Variants in VIRMA observed in about 807,000 individuals in gnomAD.
VIRMA encodes vir like m6A methyltransferase associated, also known as protein virilizer homolog.
VIRMA carries 65 observed loss-of-function variants against 182.4 expected under a neutral mutation model. The ratio of observed to expected loss-of-function variants is 0.36; its 90% CI spans 0.29 to 0.44. VIRMA has a LOEUF of 0.44. VIRMA is among the 20% of genes least tolerant of loss of function. VIRMA has a pLI of 1.00. For synonymous variants in VIRMA, 709 were observed against 743.1 expected, an observed-to-expected ratio of 0.95 and a Z score of 0.75; for missense variants, 1,752 against 2,158.1, an observed-to-expected ratio of 0.81 and a Z score of 3.73.
chr8:94,551,003 A>T (rs1472062364), intron 1 of VIRMA, among the ~76,000 whole-genome samples: 1 of 152,220 alleles, frequency 6.6e-6, no homozygotes, highest in Non-Finnish European at 1.5e-5. Context: ...TACAGGCGTG[A>T]GCCACTGCGC....
chr8:94,530,067 G>A (rs1815110055), intron 6 of VIRMA, among the ~76,000 whole-genome samples: 1 of 152,134 alleles, frequency 6.6e-6, no homozygotes, highest in African/African-American at 2.4e-5. Flanking sequence ...AGGATTACAG[G>A]CATGAGCCAC....
intron 5 of VIRMA, among the ~76,000 whole-genome samples, chr8:94,533,273 C>A (rs1586102164): frequency 1.3e-5 from 2 of 151,802 alleles, no homozygotes; most frequent in Admixed American, 1.3e-4. Flanking sequence ...TGTATGACCA[C>A]CATCAGAAAA....
chr8:94,491,285 G>A (rs904994957), intron 22 of VIRMA, among the ~76,000 whole-genome samples: 1 of 151,136 alleles, frequency 6.6e-6, no homozygotes, highest in African/African-American at 2.4e-5. Flanking sequence ...CCGCACCCCA[G>A]CCTGGGCGAC....
intron 10 of VIRMA, among the ~76,000 whole-genome samples, chr8:94,515,353 C>A (rs1038845423): frequency 1.3e-5 from 2 of 152,002 alleles, no homozygotes; most frequent in African/African-American, 4.8e-5. Context: ...CCTCAGCCTC[C>A]CAAAGTGCTG....
intron 16 of VIRMA, among the ~76,000 whole-genome samples, chr8:94,501,290 A>T (rs1021997092): frequency 2.0e-5 from 3 of 150,680 alleles, no homozygotes; most frequent in African/African-American, 4.9e-5. Flanking sequence ...ACCAATAAGG[A>T]TATGAGGGAA....
At chr8:94,516,405 A>T (rs940454235) in intron 10 of VIRMA, among the ~76,000 whole-genome samples, 8 of 152,188 alleles carry the variant, frequency 5.3e-5, no homozygotes, top group African/African-American at 1.9e-4. Flanking sequence ...CATTTACTGC[A>T]AACAAACTCA....
intron 15 of VIRMA, 67 bp from the exon 16 acceptor site, chr8:94,506,784 G>GAA: frequency 1.1e-6 from 1 of 903,064 alleles, no homozygotes; most frequent in Non-Finnish European, 1.8e-6. Context: ...GCACTTTTGA[G>GAA]AAATACATAG....
Position 94,519,261 on chromosome 8 carries a change from C to G in VIRMA, c.2237G>C (p.Gly746Ala). ...ATCAATAACACCATCAGATTGGAGA[C>G]CTTCCTCCTCATCTTGATCATAAAA... ...CHFYDQDEEE[G>A]LQSDGVIDDA... The change falls in exon 9 of 24, where the codon GGT becomes GCT. Residue 746 changes from glycine (G) to alanine (A), a missense_variant. Gly to Ala is a moderately conservative substitution (Grantham distance 60). Around this residue, in one of 11 missense-constraint regions of VIRMA, gnomAD observed 45 missense variants for 91.0 expected, o/e 0.49. Coordinates refer to ENST00000297591, the MANE Select transcript of VIRMA (RefSeq NM_015496.5). 6.2e-7 allele frequency: 1 copy of G among 1,614,110 alleles called. No homozygotes were observed. The highest frequency in any genetic ancestry group is 8.5e-7 in the Non-Finnish European group (1 of 1,180,012).
At position 94,537,205 on chromosome 8, in the gene VIRMA, C is replaced by T. The variant is rs1001825174; in HGVS notation, c.267-54G>A. ...AGCTCAAACACTGAACATCACAGTT[C>T]ATGAAGACGTCTCTCTAGATTCAAA... On this transcript the variant is annotated intron_variant, in intron 3 of 23. Coordinates refer to ENST00000297591, the MANE Select transcript of VIRMA (RefSeq NM_015496.5). 4 of 1,084,118 alleles carry T rather than the reference C, an allele frequency of 3.7e-6. No individual in the cohort carries two copies. In the Admixed American group the frequency reaches 5.3e-5, roughly 14 times the overall value. 67.2% of individuals were successfully genotyped at this position (1,084,118 alleles called of 1,614,324 possible).
chr8:94,535,456 A>G (rs367786835), intron 4 of VIRMA, among the ~76,000 whole-genome samples: 24 of 152,328 alleles, frequency 1.6e-4, no homozygotes, highest in African/African-American at 5.8e-4. Flanking sequence ...TCATACATGC[A>G]GGTATATTTT....
Position 94,529,362 on chromosome 8 carries a change from G to A in VIRMA, c.608-20C>T, listed in dbSNP as rs779224541. 2 of 1,413,130 alleles carry A rather than the reference G, an allele frequency of 1.4e-6. No homozygotes were observed. The highest frequency in any genetic ancestry group is 1.2e-5 in the South Asian group (1 of 86,176). 87.5% of individuals were successfully genotyped at this position (1,413,130 alleles called of 1,614,324 possible). A position where few individuals can be genotyped will look rare whatever the true frequency, so the allele number is the denominator to read the frequency against. ...CAGACACTGAAAAATTGAGATTTAA[G>A]GCACAGACTATTTTAATGGTTTAAA... On this transcript the variant is annotated intron_variant, in intron 6 of 23. Coordinates refer to ENST00000297591, the MANE Select transcript of VIRMA (RefSeq NM_015496.5).
At position 94,509,690 on chromosome 8, in the gene VIRMA, G is replaced by C; in HGVS notation, c.3877C>G (p.Gln1293Glu). 6.2e-7 allele frequency: 1 copy of C among 1,611,410 alleles called. No individual in the cohort carries two copies. Among genetic ancestry groups the C allele is most frequent in the Non-Finnish European group, 8.5e-7 (1 of 1,179,054 alleles). ...VTSILQSLCD[Q>E]DIALILPSSS... ...CTTTATAAAATAACTATAAATACCT[G>C]ATCACAGAGAGACTGCAAAATGGAT... The change falls in exon 15 of 24, where the codon CAG becomes GAG. Residue 1293 changes from glutamine (Q) to glutamate (E), a missense_variant and splice_region_variant. Gln to Glu is a conservative substitution (Grantham distance 29). Coordinates refer to ENST00000297591, the MANE Select transcript of VIRMA (RefSeq NM_015496.5).
chr8:94,543,862 T>C lies in VIRMA; in HGVS notation c.144A>G (p.Arg48=). 6.2e-7 allele frequency: 1 copy of C among 1,611,970 alleles called. No homozygotes were observed. The highest frequency in any genetic ancestry group is 8.5e-7 in the Non-Finnish European group (1 of 1,178,292). The change falls in exon 2 of 24, where the codon AGA becomes AGG. Residue 48 remains arginine (R), a synonymous_variant. Coordinates refer to ENST00000297591, the MANE Select transcript of VIRMA (RefSeq NM_015496.5). ...TATTGTCTGGCAGACTGCTATGGGC[T>C]CTTACTCCTGGGGGTATGACTCGGA... ...NEVRVIPPGV[R]AHSSLPDNRA...
At chr8:94,506,767 T>A (rs1207519633) in intron 15 of VIRMA, 50 bp from the exon 16 acceptor site, 3 of 1,159,056 alleles carry the variant, frequency 2.6e-6, no homozygotes, top group Non-Finnish European at 3.8e-6. Context: ...ATTATCACCA[T>A]CACTTAGCAC....
chr8:94,523,770 C>T (rs1249728667), intron 8 of VIRMA, among the ~76,000 whole-genome samples: 1 of 149,200 alleles, frequency 6.7e-6, no homozygotes, highest in Non-Finnish European at 1.5e-5. Context: ...GCTGGGATTA[C>T]AGGCATGCAC....
Position 94,507,911 on chromosome 8 carries a change from G to GTATATA in VIRMA, c.3880-1195_3880-1194insTATATA, listed in dbSNP as rs370897217. ...TATATATGTATATATATGTATATAT[G>GTATATA]TATGTGTATATATGTATGTACATAT... On this transcript the variant is annotated intron_variant, in intron 15 of 23. Coordinates refer to ENST00000297591, the MANE Select transcript of VIRMA (RefSeq NM_015496.5). Among the ~76,000 whole-genome samples the GTATATA allele has an allele frequency of 5.8e-5, 7 of 119,904 alleles. No homozygotes were observed. The South Asian group carries it at 1.0e-3, about 17-fold the overall frequency. The allele number at this position is 119,904 out of a possible 152,430, so 78.7% of individuals were successfully genotyped here.
chr8:94,506,668 A>C lies in VIRMA; in HGVS notation c.3929T>G (p.Leu1310Arg). The change falls in exon 16 of 24, where the codon CTG becomes CGG. Residue 1310 changes from leucine to arginine, a missense_variant. By Grantham distance (102) the Leu-to-Arg change is moderately radical (BLOSUM62 -2). Around this residue, in one of 11 missense-constraint regions of VIRMA, gnomAD observed 777 missense variants for 920.6 expected, o/e 0.84. Transcript: ENST00000297591. ...PSSSEGSISE[L>R]EQLSNSLPNK... ...TGGTAGAGAATTGGAGAGCTGCTCC[A>C]GTTCAGAAATAGAACCTTCAGAAGA... 1 of 1,614,014 alleles carries C rather than the reference A, an allele frequency of 6.2e-7. No homozygotes were observed. Among genetic ancestry groups the C allele is most frequent in the Non-Finnish European group, 8.5e-7 (1 of 1,179,956 alleles).
intron 1 of VIRMA, among the ~76,000 whole-genome samples, chr8:94,551,592 C>T (rs576625173): frequency 6.6e-6 from 1 of 152,318 alleles, no homozygotes; most frequent in East Asian, 1.9e-4. Context: ...CTGCCCTATG[C>T]TCTCAAGGTA....
intron 10 of VIRMA, among the ~76,000 whole-genome samples, chr8:94,517,241 T>C (rs969439572): frequency 6.6e-6 from 1 of 152,190 alleles, no homozygotes; most frequent in Admixed American, 6.5e-5. Flanking sequence ...CTTGCTCTGT[T>C]GCCCAGGCTG....
Sources: allele counts gnomAD v4.1 joint callset (sites outside exome capture counted in the v4.1 genomes callset), GRCh38; gene constraint gnomAD v4.1.1; regional missense constraint gnomAD v4.1.1; transcripts MANE v1.5; gene names NCBI Gene and HGNC (gene_info 2026-07-23, HGNC 2026-07-21).